ASTN2: variants seen among roughly 807,000 people sequenced by gnomAD.
ASTN2 encodes astrotactin-2.
In ASTN2, 54 loss-of-function variants were observed where a neutral mutation model predicts 139.8. That is an observed-to-expected ratio of 0.39 (90% CI 0.31 to 0.48). The LOEUF is 0.48. Ranked by LOEUF, ASTN2 falls within the 20% of genes least tolerant of loss-of-function variation. The pLI, the probability that ASTN2 is intolerant of heterozygous loss-of-function variation, is 0.95. For missense variants in ASTN2, 1,565 were observed against 1,725.1 expected (o/e 0.91, Z 1.64); for synonymous variants, 756 against 719.5 (o/e 1.05, Z -0.81).
At chr9:116,765,828 A>G (rs974433974) in intron 13 of ASTN2, among the ~76,000 whole-genome samples, 1 of 152,188 alleles carries the variant, frequency 6.6e-6, no homozygotes, top group African/African-American at 2.4e-5. Flanking sequence ...CTTGGAAGGA[A>G]GTCCACTAAA....
At chr9:116,728,898 C>T (rs1035335422) in intron 15 of ASTN2, 94 bp downstream of exon 15, 4 of 1,000,960 alleles carry the variant, frequency 4.0e-6, no homozygotes, top group East Asian at 2.6e-5. Context: ...CTCAGCATCC[C>T]CAGTGCTCTC....
At chr9:117,096,761 T>G (rs1308896209) in intron 4 of ASTN2, among the ~76,000 whole-genome samples, 1 of 152,118 alleles carries the variant, frequency 6.6e-6, no homozygotes, top group African/African-American at 2.4e-5. Flanking sequence ...TGCAATTCAT[T>G]TCAACACGGA....
chr9:116,779,197 A>AGGGT (rs1830157196), intron 13 of ASTN2, among the ~76,000 whole-genome samples: 1 of 152,180 alleles, frequency 6.6e-6, no homozygotes, highest in South Asian at 2.1e-4. Context: ...ACAGTGTTGC[A>AGGGT]GGGTGGGGTC....
At chr9:116,929,727 G>T (rs550412765) in intron 10 of ASTN2, among the ~76,000 whole-genome samples, 1 of 152,192 alleles carries the variant, frequency 6.6e-6, no homozygotes, top group African/African-American at 2.4e-5. Context: ...TTATTAATTC[G>T]CTCCAGCAAT....
At chr9:117,258,679 G>C (rs986407797) in intron 2 of ASTN2, among the ~76,000 whole-genome samples, 1 of 152,104 alleles carries the variant, frequency 6.6e-6, no homozygotes, top group Non-Finnish European at 1.5e-5. Context: ...CACCCACAGT[G>C]CTTCCCCAGG....
At chr9:117,292,816 C>A (rs149878691) in intron 1 of ASTN2, among the ~76,000 whole-genome samples, 1 of 152,032 alleles carries the variant, frequency 6.6e-6, no homozygotes, top group Non-Finnish European at 1.5e-5. Flanking sequence ...TCTGATGACA[C>A]GGAATGAAAA....
intron 16 of ASTN2, among the ~76,000 whole-genome samples, chr9:116,692,585 A>G (rs963062608): frequency 2.0e-5 from 3 of 152,206 alleles, no homozygotes; most frequent in Non-Finnish European, 2.9e-5. Context: ...TCACGTCTCC[A>G]CAATAAGTAG....
intron 2 of ASTN2, among the ~76,000 whole-genome samples, chr9:117,281,695 T>C (rs959953485): frequency 6.6e-6 from 1 of 152,136 alleles, no homozygotes; most frequent in Non-Finnish European, 1.5e-5. Flanking sequence ...ACGCCCTGAC[T>C]CTCTTGCCAA....
rs140673578 is a variant in ASTN2 at position 117,033,737 on chromosome 9, C to T, written c.1423+6082G>A. ...ACCTTAGACTGGGGGCTCAGGTAGG[C>T]TTAAGTTTTCATACCACGTCATCTA... On this transcript the variant is annotated intron_variant, in intron 6 of 22. Coordinates refer to ENST00000313400, the MANE Select transcript of ASTN2 (RefSeq NM_001365068.1). Among the ~76,000 whole-genome samples, 24 of 152,160 alleles carry T rather than the reference C, an allele frequency of 1.6e-4. 1 individual carries two copies. The highest frequency in any genetic ancestry group is 5.5e-4 in the African/African-American group (23 of 41,540).
intron 20 of ASTN2, among the ~76,000 whole-genome samples, chr9:116,466,890 G>T (rs2118993092): frequency 6.6e-6 from 1 of 152,058 alleles, no homozygotes; most frequent in East Asian, 1.9e-4. Context: ...AACATTTTTT[G>T]CTATCAGTTT....
intron 2 of ASTN2, among the ~76,000 whole-genome samples, chr9:117,280,407 G>A (rs1226034294): frequency 6.6e-6 from 1 of 152,170 alleles, no homozygotes; most frequent in East Asian, 1.9e-4. Context: ...CTTTGCAGAT[G>A]TAATTGAGTA....
At chr9:116,634,551 C>A (rs1856969995) in intron 17 of ASTN2, among the ~76,000 whole-genome samples, 1 of 143,026 alleles carries the variant, frequency 7.0e-6, no homozygotes. Flanking sequence ...GATCGCGCCA[C>A]TGCACCCCAG....
intron 22 of ASTN2, among the ~76,000 whole-genome samples, chr9:116,432,684 C>T (rs1847534438): frequency 6.6e-6 from 1 of 152,164 alleles, no homozygotes; most frequent in Non-Finnish European, 1.5e-5. Context: ...AATCCCAGCA[C>T]TTTGGGAGGC....
chr9:116,432,919 G>A (rs1006394220), intron 22 of ASTN2, among the ~76,000 whole-genome samples: 2 of 150,598 alleles, frequency 1.3e-5, no homozygotes, highest in Admixed American at 1.3e-4. Context: ...GACAGAGCAA[G>A]ACTCCATCTT....
chr9:116,801,637 A>G (rs1202528276), intron 13 of ASTN2, among the ~76,000 whole-genome samples: 1 of 151,408 alleles, frequency 6.6e-6, no homozygotes, highest in Non-Finnish European at 1.5e-5. Context: ...AGAAAGAAAG[A>G]AAAGAAAAAA....
intron 19 of ASTN2, among the ~76,000 whole-genome samples, chr9:116,589,484 A>T (rs1366158381): frequency 6.6e-6 from 1 of 152,174 alleles, no homozygotes. Flanking sequence ...AGTTGTGGAG[A>T]GAGAAGGGAG....
chr9:116,562,733 TAAA>T lies in ASTN2; in HGVS notation c.3355+55588_3355+55590del, dbSNP rs35878476. 7.3e-3 allele frequency among the ~76,000 whole-genome samples: 470 copies of T among 64,450 alleles called. 2 individuals carry two copies. The highest frequency in any genetic ancestry group is 0.028 in the African/African-American group (434 of 15,620). 42.3% of individuals were successfully genotyped at this position (64,450 alleles called of 152,430 possible). On this transcript the variant is annotated intron_variant, in intron 19 of 22. Coordinates refer to ENST00000313400, the MANE Select transcript of ASTN2 (RefSeq NM_001365068.1). ...GTGACAGTGCGAGTGACTGCCTCAT[TAAA>T]AAAAAAAAAAAAAAAAAAAAAGAAT...
chr9:116,433,688 T>C (rs2118837871), intron 22 of ASTN2, among the ~76,000 whole-genome samples: 1 of 152,342 alleles, frequency 6.6e-6, no homozygotes, highest in South Asian at 2.1e-4. Context: ...CATGGTTTTA[T>C]GACTTTCCAG....
intron 17 of ASTN2, among the ~76,000 whole-genome samples, chr9:116,648,155 C>T (rs1857703289): frequency 1.3e-5 from 2 of 152,062 alleles, no homozygotes; most frequent in African/African-American, 2.4e-5. Context: ...GTGCATGCCA[C>T]CACACCCAAC....
Sources: allele counts gnomAD v4.1 joint callset (sites outside exome capture counted in the v4.1 genomes callset), GRCh38; gene constraint gnomAD v4.1.1; transcripts MANE v1.5; gene names NCBI Gene and HGNC (gene_info 2026-07-23, HGNC 2026-07-21).